Variants in SHANK1 observed in about 807,000 individuals in gnomAD.
The protein encoded by SHANK1 is SH3 and multiple ankyrin repeat domains protein 1.
A neutral mutation model predicts 165.6 loss-of-function variants in SHANK1; 35 were observed. That is an observed-to-expected ratio of 0.21 (90% CI 0.16 to 0.28). The LOEUF (loss-of-function observed/expected upper bound fraction) is 0.28. Among genes scored for constraint, SHANK1 ranks in the 10% least tolerant of loss-of-function variants. The pLI is 1.00. For missense variants in SHANK1, 2,681 were observed against 3,036.4 expected (o/e 0.88, Z 2.75); for synonymous variants, 1,428 against 1,384.8 (o/e 1.03, Z -0.69).
intron 23 of SHANK1, among the ~76,000 whole-genome samples, chr19:50,665,299 C>T (rs1985434172): frequency 6.6e-6 from 1 of 152,148 alleles, no homozygotes; most frequent in Non-Finnish European, 1.5e-5. Flanking sequence ...CATGCTGGCT[C>T]ATGTGTGGAA....
rs1281256493 is a variant in SHANK1 at position 50,660,058 on chromosome 19, C to T, written c.*1907G>A. Among the ~76,000 whole-genome samples the T allele has an allele frequency of 4.0e-5, 6 of 150,658 alleles. No homozygotes were observed. Among genetic ancestry groups the T allele is most frequent in the Admixed American group, 6.6e-5 (1 of 15,206 alleles). On this transcript the variant is annotated 3_prime_UTR_variant, in exon 24 of 24. Coordinates refer to ENST00000293441, the MANE Select transcript of SHANK1 (RefSeq NM_016148.5). Reference sequence around the variant, plus strand: ...GCCCCCCCCTCTCGGGGGTAGGGGGCAGCAGAGGGGGAATGGGCTTGGGGA... The same window carrying T: ...GCCCCCCCCTCTCGGGGGTAGGGGGTAGCAGAGGGGGAATGGGCTTGGGGA...
Position 50,688,558 on chromosome 19 carries a change from T to TC in SHANK1, c.2172+285dup, listed in dbSNP as rs1428243674. Among the ~76,000 whole-genome samples, 2 of 152,180 alleles carry TC rather than the reference T, an allele frequency of 1.3e-5. No individual in the cohort carries two copies. The highest frequency in any genetic ancestry group is 2.4e-5 in the African/African-American group (1 of 41,436). ...CTTGAGTTCAAGCAATCCACCTGCT[T>TC]CAGCCTCCCAAAGCACTGGGATCAC... On this transcript the variant is annotated intron_variant, in intron 17 of 23. Coordinates refer to ENST00000293441, the MANE Select transcript of SHANK1 (RefSeq NM_016148.5). The surrounding 1 kb of genome is among the most constrained non-coding windows in gnomAD (Gnocchi z 6.7).
chr19:50,692,456 G>T (rs752993523), intron 15 of SHANK1, among the ~76,000 whole-genome samples: 4 of 128,844 alleles, frequency 3.1e-5, no homozygotes, highest in African/African-American at 9.5e-5. Context: ...GAATTCACCA[G>T]ATATATATAT....
chr19:50,694,112 G>A (rs1986640339), intron 15 of SHANK1, among the ~76,000 whole-genome samples: 1 of 150,732 alleles, frequency 6.6e-6, no homozygotes, highest in African/African-American at 2.5e-5. Flanking sequence ...GACAGACGCT[G>A]TCACACAGGG....
chr19:50,688,073 C>A lies in SHANK1; in HGVS notation c.2173-15G>T, dbSNP rs201632729. 5,227 of 1,613,650 alleles carry A rather than the reference C, an allele frequency of 3.2e-3. 14 individuals carry two copies. The highest frequency in any genetic ancestry group is 7.4e-3 in the Middle Eastern group (45 of 6,060). ...TGCCCGTTCACCTGTGGCACAGACACCCCCAGATCACACAGAGTAGACGAG... is the reference window on the plus strand; with the variant it reads ...TGCCCGTTCACCTGTGGCACAGACAACCCCAGATCACACAGAGTAGACGAG... On this transcript the variant is annotated splice_polypyrimidine_tract_variant and intron_variant, in intron 17 of 23. Transcript: ENST00000293441. This position sits in a 1 kb window ranked among gnomAD's most constrained non-coding sequence, Gnocchi z 6.7.
At chr19:50,669,544 C>T (rs139121113) in intron 22 of SHANK1, among the ~76,000 whole-genome samples, 7 of 152,224 alleles carry the variant, frequency 4.6e-5, no homozygotes, top group South Asian at 2.1e-4. Context: ...TTCCTCCCCA[C>T]GCCAGGAGGG....
At chr19:50,693,067 C>G (rs1429816958) in intron 15 of SHANK1, among the ~76,000 whole-genome samples, 1 of 151,624 alleles carries the variant, frequency 6.6e-6, no homozygotes, top group African/African-American at 2.4e-5. Context: ...TGGGTACCCT[C>G]TTTTGCATCC....
intron 9 of SHANK1, 109 bp downstream of exon 9, chr19:50,704,328 A>G: frequency 2.3e-6 from 3 of 1,328,330 alleles, no homozygotes; most frequent in South Asian, 2.4e-5. Flanking sequence ...CTCCCCCTCC[A>G]CGGCCTGTCT....
chr19:50,706,188 G>A (rs1039683188), intron 8 of SHANK1, among the ~76,000 whole-genome samples: 3 of 151,710 alleles, frequency 2.0e-5, no homozygotes, highest in Non-Finnish European at 4.4e-5. Flanking sequence ...GGGGGCTCAA[G>A]GTCACACAGC....
rs1953020292 is a variant in SHANK1, at chr19:50,716,261, T to G, written c.459+14A>C. On this transcript the variant is annotated intron_variant, in intron 3 of 23. Transcript: ENST00000293441. The surrounding 1 kb of genome is among the most constrained non-coding windows in gnomAD (Gnocchi z 8.4). Reference sequence around the variant, plus strand: ...TGCCTTCTCTTATCAGTGAAGGAGTTGGGGAAGCTTCACCTCCAGGTAGGG... The same window carrying G: ...TGCCTTCTCTTATCAGTGAAGGAGTGGGGGAAGCTTCACCTCCAGGTAGGG... 3 of 1,611,634 alleles carry G rather than the reference T, an allele frequency of 1.9e-6. No homozygotes were observed. Among genetic ancestry groups the G allele is most frequent in the Non-Finnish European group, 2.5e-6 (3 of 1,178,140 alleles).
Position 50,702,576 on chromosome 19 carries a change from C to T in SHANK1, c.1638G>A (p.Arg546=), listed in dbSNP as rs769913873. 1 of 1,610,364 alleles carries T rather than the reference C, an allele frequency of 6.2e-7. No homozygotes were observed. The highest frequency in any genetic ancestry group is 2.2e-5 in the East Asian group (1 of 44,724). ...GTACCGCTGAGTAGAGCTTCCTCCG[C>T]CTCCCGCGGCTGCCCAGGGAGCCCC... The part of the protein sequence containing the change: ...GPGGSLGSRG[R]RRKLYSAVPG... The change falls in exon 12 of 24, where the codon AGG becomes AGA. Residue 546 remains arginine (R), a synonymous_variant. Coordinates refer to ENST00000293441, the MANE Select transcript of SHANK1 (RefSeq NM_016148.5). This position sits in a 1 kb window ranked among gnomAD's most constrained non-coding sequence, Gnocchi z 5.3.
chr19:50,666,747 C>A lies in SHANK1; in HGVS notation c.5213G>T (p.Gly1738Val). 1 of 1,562,276 alleles carries A rather than the reference C, an allele frequency of 6.4e-7. No homozygotes were observed. Among genetic ancestry groups the A allele is most frequent in the Non-Finnish European group, 8.7e-7 (1 of 1,154,824 alleles). The change falls in exon 23 of 24, where the codon GGG becomes GTG. Residue 1738 changes from glycine to valine, a missense_variant. By Grantham distance (109) the Gly-to-Val change is moderately radical. This residue lies in a region of SHANK1 where 1,713 missense variants were observed against 1,630.2 expected (regional missense o/e 1.05). Transcript: ENST00000293441. ...YVAYLDGQAF[G>V]GSSTPGPPYP... ...TGGCGGGCCGGGAGTACTGCTGCCC[C>A]CAAAGGCCTGGCCGTCCAGGTAGGC...
rs978005547 is a variant in SHANK1, at chr19:50,702,970, C to T, written c.1554-310G>A. Among the ~76,000 whole-genome samples the T allele has an allele frequency of 1.5e-4, 23 of 152,160 alleles. No individual in the cohort carries two copies. Among genetic ancestry groups the T allele is most frequent in the African/African-American group, 2.7e-4 (11 of 41,432 alleles). Reference sequence around the variant, plus strand: ...CATCCCTCCGCTCACGAGCCTTCCGCGACTCCCAGCTTCCTCCTGGGTCAG... The same window carrying T: ...CATCCCTCCGCTCACGAGCCTTCCGTGACTCCCAGCTTCCTCCTGGGTCAG... On this transcript the variant is annotated intron_variant, in intron 11 of 23. Coordinates refer to ENST00000293441, the MANE Select transcript of SHANK1 (RefSeq NM_016148.5). The surrounding 1 kb of genome is among the most constrained non-coding windows in gnomAD (Gnocchi z 5.3).
intron 16 of SHANK1, 97 bp downstream of exon 16, chr19:50,689,100 G>C: frequency 8.6e-7 from 1 of 1,163,364 alleles, no homozygotes; most frequent in South Asian, 1.3e-5. Flanking sequence ...GGGGTGGTGG[G>C]CGGGCTGGGG....
intron 8 of SHANK1, chr19:50,711,098 T>G (rs2089002937): frequency 2.3e-6 from 1 of 429,524 alleles, no homozygotes. Context: ...CTATGTTGTC[T>G]GCCCTCTGCT....
Position 50,703,592 on chromosome 19 carries a change from T to G in SHANK1, c.1461A>C (p.Arg487=). The G allele has an allele frequency of 6.4e-7, 1 of 1,559,464 alleles. No individual in the cohort carries two copies. The highest frequency in any genetic ancestry group is 8.7e-7 in the Non-Finnish European group (1 of 1,155,510). ...PTTKLSSGTL[R]SASSPRGARA... ...TGGCACCCCGGGGGCTGCTGGCACT[T>G]CGGAGGGTCCCGCTGCTGAGCTTGG... is the stretch of plus-strand genomic sequence containing the variant. Residue 487 remains arginine (R), a synonymous_variant, in exon 11 of 24, where the codon CGA becomes CGC. Transcript: ENST00000293441.
chr19:50,703,643 G>A lies in SHANK1; in HGVS notation c.1410C>T (p.Gly470=), dbSNP rs772632154. ...GAPGPTSGSQ[G]QSQPSAPTTK... ...TGGTGGGGGCCGAGGGCTGCGACTGGCCCTGGGACCCTGAGGTAGGGCCAG... is the reference window on the plus strand; with the variant it reads ...TGGTGGGGGCCGAGGGCTGCGACTGACCCTGGGACCCTGAGGTAGGGCCAG... Residue 470 remains glycine (G), a synonymous_variant, in exon 11 of 24, where the codon GGC becomes GGT. Transcript: ENST00000293441. 3.9e-6 allele frequency: 6 copies of A among 1,530,878 alleles called. 1 individual carries two copies. The South Asian group carries it at 7.3e-5, about 19-fold the overall frequency. The allele number at this position is 1,530,878 out of a possible 1,614,324, so 94.8% of individuals were successfully genotyped here. A position where few individuals can be genotyped will look rare whatever the true frequency, so the allele number is the denominator to read the frequency against.
rs758116555 is a variant in SHANK1, at chr19:50,686,846, G to GC, written c.2390-35dup. The GC allele has an allele frequency of 4.3e-3, 6,963 of 1,611,180 alleles. 26 individuals are homozygous for GC. The highest frequency in any genetic ancestry group is 5.2e-3 in the Non-Finnish European group (6,164 of 1,178,128). On this transcript the variant is annotated intron_variant, in intron 19 of 23. Coordinates refer to ENST00000293441, the MANE Select transcript of SHANK1 (RefSeq NM_016148.5). This position sits in a 1 kb window ranked among gnomAD's most constrained non-coding sequence, Gnocchi z 5.7. The stretch of plus-strand genomic sequence containing the variant: ...AAAGAACACGGATGACGCCCAGGGA[G>GC]CCCCCGGGGGCGGGGCGGAGCGGGC...
rs1006200894 is a variant in SHANK1 at position 50,716,970 on chromosome 19, G to A, written c.-43-8C>T. On this transcript the variant is annotated splice_region_variant and splice_polypyrimidine_tract_variant and intron_variant, in intron 1 of 23. Coordinates refer to ENST00000293441, the MANE Select transcript of SHANK1 (RefSeq NM_016148.5). This position sits in a 1 kb window ranked among gnomAD's most constrained non-coding sequence, Gnocchi z 8.4. ...CGGCAGCATCACAGGCGGCTGCAGG[G>A]GCCAAGGGCGGCCATCAGACTAGGA... 3 of 1,404,974 alleles carry A rather than the reference G, an allele frequency of 2.1e-6. No homozygotes were observed. Among genetic ancestry groups the A allele is most frequent in the South Asian group, 1.6e-5 (1 of 61,382 alleles). 87.0% of individuals were successfully genotyped at this position (1,404,974 alleles called of 1,614,324 possible). A position where few individuals can be genotyped will look rare whatever the true frequency, so the allele number is the denominator to read the frequency against.
Sources: allele counts gnomAD v4.1 joint callset (sites outside exome capture counted in the v4.1 genomes callset), GRCh38; gene constraint gnomAD v4.1.1; regional missense constraint gnomAD v4.1.1; non-coding constraint Gnocchi (gnomAD v3.1); transcripts MANE v1.5; gene names NCBI Gene and HGNC (gene_info 2026-07-23, HGNC 2026-07-21).